NAALADL2: variants seen among roughly 807,000 people sequenced by gnomAD.
The protein encoded by NAALADL2 is inactive N-acetylated-alpha-linked acidic dipeptidase-like protein 2.
NAALADL2 carries 76 observed loss-of-function variants against 87.2 expected under a neutral mutation model. That is an observed-to-expected ratio of 0.87 (90% confidence interval 0.72 to 1.05). The LOEUF (loss-of-function observed/expected upper bound fraction) is 1.05. Ranked by LOEUF, NAALADL2 falls within the 50% of genes least tolerant of loss-of-function variation. NAALADL2 has a pLI of 0.00. For synonymous variants in NAALADL2, 354 were observed against 331.0 expected (o/e 1.07, Z -0.75); for missense variants, 1,089 against 945.8 (o/e 1.15, Z -1.99).
At chr3:175,407,684 C>A (rs1217864169) in intron 5 of NAALADL2, among the ~76,000 whole-genome samples, 1 of 152,186 alleles carries the variant, frequency 6.6e-6, no homozygotes, top group Non-Finnish European at 1.5e-5. Context: ...CTGCAGTAGT[C>A]ACAGACATGC....
intron 2 of NAALADL2, among the ~76,000 whole-genome samples, chr3:174,564,935 T>C (rs1390516311): frequency 6.6e-6 from 1 of 152,042 alleles, no homozygotes; most frequent in African/African-American, 2.4e-5. Flanking sequence ...AAATGTCATA[T>C]TTATTTATTT....
chr3:175,039,822 T>C (rs1347276128), intron 1 of NAALADL2, among the ~76,000 whole-genome samples: 1 of 152,190 alleles, frequency 6.6e-6, no homozygotes, highest in Non-Finnish European at 1.5e-5. Context: ...TTTAAAATAT[T>C]TGTCTTTGAT....
intron 4 of NAALADL2, among the ~76,000 whole-genome samples, chr3:175,279,376 T>C (rs926574404): frequency 1.3e-5 from 2 of 152,156 alleles, no homozygotes; most frequent in African/African-American, 4.8e-5. Flanking sequence ...TGATTCTGCC[T>C]GAAAGATAAA....
chr3:175,314,096 G>A (rs1034244258), intron 4 of NAALADL2, among the ~76,000 whole-genome samples: 14 of 141,130 alleles, frequency 9.9e-5, no homozygotes, highest in East Asian at 2.3e-4. Flanking sequence ...AAAAAGAAAA[G>A]TGAAAAGTGT....
rs918205288 is a variant in NAALADL2 at position 175,319,241 on chromosome 3, G to A, written c.940-4934G>A. ...GAAGGGAAAATAATGACAAAAGTCT[G>A]ATATGCATGGTTGTTATAGAAGAGA... On this transcript the variant is annotated intron_variant, in intron 4 of 13. Coordinates refer to ENST00000454872, the MANE Select transcript of NAALADL2 (RefSeq NM_207015.3). Among the ~76,000 whole-genome samples the A allele has an allele frequency of 5.3e-5, 8 of 152,270 alleles. No individual in the cohort carries two copies. In the South Asian group the frequency reaches 1.5e-3, roughly 28 times the overall value.
At chr3:174,853,201 CAAAAAAAA>C (rs34303846) in intron 3 of NAALADL2, among the ~76,000 whole-genome samples, 4 of 45,626 alleles carry the variant, frequency 8.8e-5, no homozygotes, top group African/African-American at 2.7e-4. Context: ...CCGTCTCTAC[CAAAAAAAA>C]AAAAAAAAAA....
chr3:175,667,241 A>AAGAAAAAGAAAG lies in NAALADL2; in HGVS notation c.1896+39856_1896+39857insGAAAAAGAAAGA, dbSNP rs1182682303. Among the ~76,000 whole-genome samples the AAGAAAAAGAAAG allele has an allele frequency of 1.5e-3, 140 of 91,730 alleles. 2 individuals are homozygous for AAGAAAAAGAAAG. The highest frequency in any genetic ancestry group is 6.6e-3 in the African/African-American group (130 of 19,666). 60.2% of individuals were successfully genotyped at this position (91,730 alleles called of 152,430 possible). ...AAAGAAAGAAAGAAAGAAAGAAAGA[A>AAGAAAAAGAAAG]AAAGAAAGAAAGAAAGAAAGAAAGG... On this transcript the variant is annotated intron_variant, in intron 11 of 13. Coordinates refer to ENST00000454872, the MANE Select transcript of NAALADL2 (RefSeq NM_207015.3).
chr3:175,243,531 C>CTTTTTTTT (rs3066298), intron 3 of NAALADL2, among the ~76,000 whole-genome samples: 11 of 85,592 alleles, frequency 1.3e-4, no homozygotes, highest in African/African-American at 4.4e-4. Flanking sequence ...CACATCAGGA[C>CTTTTTTTT]TTTTTTTTTT....
intron 2 of NAALADL2, among the ~76,000 whole-genome samples, chr3:174,568,597 C>T (rs1714566434): frequency 6.6e-6 from 1 of 151,796 alleles, no homozygotes; most frequent in African/African-American, 2.4e-5. Flanking sequence ...CATGCTTTAA[C>T]TATTCAGTGA....
At chr3:175,728,946 C>CT (rs1473638195) in intron 11 of NAALADL2, among the ~76,000 whole-genome samples, 2 of 152,174 alleles carry the variant, frequency 1.3e-5, no homozygotes, top group South Asian at 2.1e-4. Context: ...GAAATGTTGG[C>CT]TTTTTTCTAC....
chr3:175,063,381 C>T (rs1025467299), intron 1 of NAALADL2, among the ~76,000 whole-genome samples: 5 of 151,896 alleles, frequency 3.3e-5, no homozygotes, highest in African/African-American at 1.2e-4. Context: ...AGGAACAAAT[C>T]CTTCGAAACA....
At chr3:174,462,103 A>G (rs1716254645) in intron 1 of NAALADL2, among the ~76,000 whole-genome samples, 1 of 151,988 alleles carries the variant, frequency 6.6e-6, no homozygotes, top group South Asian at 2.1e-4. Flanking sequence ...CTGTCATTTA[A>G]TATATTTTTA....
chr3:175,060,690 G>A (rs1713256689), intron 1 of NAALADL2, among the ~76,000 whole-genome samples: 1 of 152,118 alleles, frequency 6.6e-6, no homozygotes, highest in African/African-American at 2.4e-5. Context: ...TTAGCTACAG[G>A]GTATACATAG....
chr3:175,303,343 T>A (rs977720156), intron 4 of NAALADL2, among the ~76,000 whole-genome samples: 3 of 152,138 alleles, frequency 2.0e-5, no homozygotes, highest in Non-Finnish European at 4.4e-5. Flanking sequence ...GATAAAACCT[T>A]GTATTTAAGT....
At chr3:175,392,630 A>T (rs561065672) in intron 5 of NAALADL2, among the ~76,000 whole-genome samples, 1 of 152,304 alleles carries the variant, frequency 6.6e-6, no homozygotes, top group African/African-American at 2.4e-5. Flanking sequence ...ATGCAGCACA[A>T]CCCAATAGGA....
At position 175,365,799 on chromosome 3, in the gene NAALADL2, G is replaced by T. The variant is rs1484753864; in HGVS notation, c.1090+41474G>T. On this transcript the variant is annotated intron_variant, in intron 5 of 13. Transcript: ENST00000454872. ...GGAATTTATAATTTTGCAAAATATT[G>T]TCTGATAAATTTGAAAGCAACTGTA... Among the ~76,000 whole-genome samples the T allele has an allele frequency of 3.4e-5, 5 of 147,480 alleles. 1 individual carries two copies. In the East Asian group the frequency reaches 1.0e-3, roughly 30 times the overall value.
intron 3 of NAALADL2, among the ~76,000 whole-genome samples, chr3:174,747,176 G>A (rs1298696903): frequency 2.6e-5 from 4 of 151,988 alleles, no homozygotes; most frequent in Non-Finnish European, 4.4e-5. Context: ...TGCAATGTAT[G>A]CATCTAACAA....
At chr3:175,599,840 A>C (rs1722721160) in intron 10 of NAALADL2, among the ~76,000 whole-genome samples, 1 of 152,160 alleles carries the variant, frequency 6.6e-6, no homozygotes, top group Non-Finnish European at 1.5e-5. Context: ...AAACAGTTTA[A>C]GATATTTGCC....
chr3:175,058,419 T>C (rs1249929104), intron 1 of NAALADL2, among the ~76,000 whole-genome samples: 2 of 152,218 alleles, frequency 1.3e-5, no homozygotes, highest in Non-Finnish European at 2.9e-5. Context: ...TAACTCAGTA[T>C]AGGCACTGAA....
Sources: gnomAD v4.1 joint callset for allele counts (sites outside exome capture counted in the v4.1 genomes callset) on GRCh38, gnomAD v4.1.1 for gene constraint, MANE v1.5 for transcripts, NCBI Gene and HGNC (gene_info 2026-07-23, HGNC 2026-07-21) for gene names.